The following RASGRF1 variants were observed in gnomAD, a reference collection of about 807,000 sequenced individuals.
RASGRF1 encodes the protein Ras protein specific guanine nucleotide releasing factor 1.
A neutral mutation model predicts 138.7 loss-of-function variants in RASGRF1; 40 were observed. The ratio of observed to expected loss-of-function variants is 0.29; its 90% confidence interval spans 0.22 to 0.38. The LOEUF (loss-of-function observed/expected upper bound fraction) is 0.38, where lower values mean the gene tolerates loss of function less well. Ranked by LOEUF, RASGRF1 falls within the 10% of genes least tolerant of loss-of-function variation. RASGRF1 has a pLI of 1.00. For missense variants in RASGRF1, 1,108 were observed against 1,650.4 expected, an observed-to-expected ratio of 0.67 and a Z score of 5.69; for synonymous variants, 614 against 663.2, an observed-to-expected ratio of 0.93 and a Z score of 1.14.
intron 18 of RASGRF1, 195 bp from the exon 19 acceptor site, chr15:78,998,403 C>T: frequency 1.6e-6 from 1 of 631,218 alleles, no homozygotes; most frequent in East Asian, 2.7e-5. Flanking sequence ...GATAAAGGCA[C>T]TGGAACCAGA....
At chr15:79,026,375 C>T (rs2057053500) in intron 9 of RASGRF1, among the ~76,000 whole-genome samples, 1 of 152,228 alleles carries the variant, frequency 6.6e-6, no homozygotes, top group Non-Finnish European at 1.5e-5. Context: ...TGGGAAAGCC[C>T]TCGTGACTCT....
intron 1 of RASGRF1, among the ~76,000 whole-genome samples, chr15:79,084,750 C>T (rs1032909448): frequency 6.6e-6 from 1 of 152,214 alleles, no homozygotes; most frequent in African/African-American, 2.4e-5. Context: ...ATCACTGCCA[C>T]TCATCCTCTT....
chr15:79,018,998 C>T (rs1341900333), intron 11 of RASGRF1, among the ~76,000 whole-genome samples: 2 of 152,230 alleles, frequency 1.3e-5, no homozygotes, highest in Admixed American at 6.5e-5. Context: ...TGATTTGGCC[C>T]TTATTGGAAG....
intron 2 of RASGRF1, among the ~76,000 whole-genome samples, chr15:79,059,311 T>TCCCTA (rs1266736120): frequency 6.3e-5 from 8 of 126,376 alleles, no homozygotes; most frequent in Non-Finnish European, 1.2e-4. Flanking sequence ...TCCCTTCCCT[T>TCCCTA]CCCTATCCTT....
chr15:78,968,367 GCT>G (rs1460491919), intron 26 of RASGRF1, among the ~76,000 whole-genome samples: 2 of 151,872 alleles, frequency 1.3e-5, no homozygotes, highest in African/African-American at 4.8e-5. Context: ...GAACTCCTGG[GCT>G]CAAGTGATCC....
intron 5 of RASGRF1, among the ~76,000 whole-genome samples, chr15:79,035,552 C>T (rs2141007318): frequency 6.6e-6 from 1 of 152,344 alleles, no homozygotes; most frequent in South Asian, 2.1e-4. Context: ...CCTCAAGTCC[C>T]GGCCTGCTGG....
chr15:79,050,745 C>T lies in RASGRF1; in HGVS notation c.532-1157G>A, dbSNP rs1444251042. Among the ~76,000 whole-genome samples, 2 of 152,206 alleles carry T rather than the reference C, an allele frequency of 1.3e-5. No individual in the cohort carries two copies. Among genetic ancestry groups the T allele is most frequent in the Admixed American group, 1.3e-4 (2 of 15,280 alleles). ...GTGGCCAGGGGCCTCTGGGACTCAT[C>T]CCATAGACAGGCCAGTGGTGTATCC... On this transcript the variant is annotated intron_variant, in intron 3 of 26. Coordinates refer to ENST00000558480, the MANE Select transcript of RASGRF1 (RefSeq NM_001145648.3). The surrounding 1 kb of genome is among the most constrained non-coding windows in gnomAD (Gnocchi z 4.1).
At chr15:79,088,940 A>G (rs1201111700) in intron 1 of RASGRF1, among the ~76,000 whole-genome samples, 1 of 152,230 alleles carries the variant, frequency 6.6e-6, no homozygotes, top group East Asian at 1.9e-4. Context: ...GTCCTCAGAA[A>G]CTATCTCCTA....
At position 78,973,179 on chromosome 15, in the gene RASGRF1, G is replaced by T. The variant is rs989151807; in HGVS notation, c.3612+124C>A. 2.8e-6 allele frequency: 2 copies of T among 713,030 alleles called. No individual in the cohort carries two copies. Among genetic ancestry groups the T allele is most frequent in the Admixed American group, 2.5e-5 (1 of 39,804 alleles). The allele number at this position is 713,030 out of a possible 1,614,324, so 44.2% of individuals were successfully genotyped here. A position where few individuals can be genotyped will look rare whatever the true frequency, so the allele number is the denominator to read the frequency against. On this transcript the variant is annotated intron_variant, in intron 25 of 26. Coordinates refer to ENST00000558480, the MANE Select transcript of RASGRF1 (RefSeq NM_001145648.3). The surrounding 1 kb of genome is among the most constrained non-coding windows in gnomAD (Gnocchi z 4.9). ...CTGTCATTGGGGAAGCTGGACCCAG[G>T]CTCCCAAATGGGGGCACCCTATGCA...
intron 3 of RASGRF1, among the ~76,000 whole-genome samples, chr15:79,055,736 G>A (rs2057502098): frequency 6.6e-6 from 1 of 152,020 alleles, no homozygotes; most frequent in Non-Finnish European, 1.5e-5. Flanking sequence ...CACCTCCCAG[G>A]CTATCAAACA....
At chr15:79,012,293 C>T (rs764669227) in intron 13 of RASGRF1, among the ~76,000 whole-genome samples, 4 of 152,176 alleles carry the variant, frequency 2.6e-5, no homozygotes, top group Non-Finnish European at 5.9e-5. Flanking sequence ...ACTGGTCCTT[C>T]GAGGCCAGCT....
intron 2 of RASGRF1, among the ~76,000 whole-genome samples, chr15:79,058,911 T>C (rs1368932061): frequency 1.3e-5 from 2 of 152,232 alleles, no homozygotes; most frequent in Non-Finnish European, 2.9e-5. Context: ...GAAATTCAGT[T>C]GAGAGCATGA....
At chr15:79,067,919 G>A (rs1313142444) in intron 1 of RASGRF1, among the ~76,000 whole-genome samples, 1 of 152,142 alleles carries the variant, frequency 6.6e-6, no homozygotes, top group African/African-American at 2.4e-5. Context: ...CCAGGCTCCT[G>A]GAAGATGCTA....
chr15:79,017,358 A>G (rs1157770694), intron 12 of RASGRF1, among the ~76,000 whole-genome samples: 1 of 152,202 alleles, frequency 6.6e-6, no homozygotes. Flanking sequence ...GAACATTATT[A>G]CATCTAATAT....
In RASGRF1 at chr15:79,006,060, A is replaced by G; in HGVS notation, c.2075+126T>C. The G allele has an allele frequency of 7.3e-7, 1 of 1,372,950 alleles. No individual in the cohort carries two copies. Among genetic ancestry groups the G allele is most frequent in the Non-Finnish European group, 1.0e-6 (1 of 1,003,734 alleles). The allele number at this position is 1,372,950 out of a possible 1,614,324, so 85.0% of individuals were successfully genotyped here. On this transcript the variant is annotated intron_variant, in intron 14 of 26. Transcript: ENST00000558480. This position sits in a 1 kb window ranked among gnomAD's most constrained non-coding sequence, Gnocchi z 4.0. ...GCAGTGGCGGTGTGTGTCCCGCAGC[A>G]CCCCAACACGTTACTGCTGCTCCTC...
At chr15:79,079,681 G>A (rs2057888691) in intron 1 of RASGRF1, among the ~76,000 whole-genome samples, 1 of 152,246 alleles carries the variant, frequency 6.6e-6, no homozygotes, top group South Asian at 2.1e-4. Context: ...GAATGGATAA[G>A]AAACTGGTAT....
Position 79,027,547 on chromosome 15 carries a change from T to A in RASGRF1, c.1381+194A>T, listed in dbSNP as rs900398920. 6.6e-6 allele frequency among the ~76,000 whole-genome samples: 1 copy of A among 152,228 alleles called. No individual in the cohort carries two copies. Among genetic ancestry groups the A allele is most frequent in the Non-Finnish European group, 1.5e-5 (1 of 68,042 alleles). On this transcript the variant is annotated intron_variant, in intron 9 of 26. Coordinates refer to ENST00000558480, the MANE Select transcript of RASGRF1 (RefSeq NM_001145648.3). The surrounding 1 kb of genome is among the most constrained non-coding windows in gnomAD (Gnocchi z 4.8). ...ACTGTGAAAACCAATAATATCTGCA[T>A]CTATATGTATAGATACTGACATCTA... is the stretch of plus-strand genomic sequence containing the variant.
At chr15:79,017,234 A>G (rs934035007) in intron 12 of RASGRF1, among the ~76,000 whole-genome samples, 1 of 152,222 alleles carries the variant, frequency 6.6e-6, no homozygotes. Flanking sequence ...CAGCAGGCCA[A>G]AGCAAAACTA....
intron 1 of RASGRF1, among the ~76,000 whole-genome samples, chr15:79,065,898 G>A (rs1416864241): frequency 6.6e-6 from 1 of 151,266 alleles, no homozygotes; most frequent in Non-Finnish European, 1.5e-5. Context: ...GCAGCCGGGT[G>A]TATGTGAAGT....
Sources: gnomAD v4.1 joint callset for allele counts (sites outside exome capture counted in the v4.1 genomes callset) on GRCh38, gnomAD v4.1.1 for gene constraint, Gnocchi (gnomAD v3.1) non-coding constraint, MANE v1.5 for transcripts, NCBI Gene and HGNC (gene_info 2026-07-23, HGNC 2026-07-21) for gene names.